TMEFF2: variants seen among roughly 807,000 people sequenced by gnomAD.
TMEFF2 encodes the protein tomoregulin-2.
Under a neutral mutation model 53.8 loss-of-function variants are expected in TMEFF2, and 28 were observed. That is an observed-to-expected ratio of 0.52 (90% CI 0.39 to 0.71). The LOEUF is 0.71. Among genes scored for constraint, TMEFF2 ranks in the 30% least tolerant of loss-of-function variants. The pLI is 0.00. For synonymous variants in TMEFF2, 162 were observed against 166.3 expected (o/e 0.97, Z 0.20); for missense variants, 353 against 455.2 (o/e 0.78, Z 2.04).
At chr2:192,157,549 T>C (rs1183794170) in intron 4 of TMEFF2, among the ~76,000 whole-genome samples, 1 of 152,082 alleles carries the variant, frequency 6.6e-6, no homozygotes, top group Non-Finnish European at 1.5e-5. Context: ...TCTGAAATGA[T>C]GTCTCCAATA....
At chr2:192,051,207 C>A (rs552919913) in intron 5 of TMEFF2, among the ~76,000 whole-genome samples, 1 of 143,308 alleles carries the variant, frequency 7.0e-6, no homozygotes, top group Non-Finnish European at 1.5e-5. Flanking sequence ...TTTTCTAGAG[C>A]AGATCTATTA....
chr2:192,150,980 C>A (rs1322099802), intron 4 of TMEFF2, among the ~76,000 whole-genome samples: 1 of 151,770 alleles, frequency 6.6e-6, no homozygotes, highest in Admixed American at 6.6e-5. Context: ...TCCCTATAAT[C>A]CCCATGTGTC....
intron 4 of TMEFF2, among the ~76,000 whole-genome samples, chr2:192,108,924 A>C (rs1052972707): frequency 6.6e-6 from 1 of 152,094 alleles, no homozygotes; most frequent in African/African-American, 2.4e-5. Flanking sequence ...GCCAAGCAAA[A>C]TAAGCCAGAC....
chr2:192,107,807 G>A (rs1689184544), intron 4 of TMEFF2, among the ~76,000 whole-genome samples: 1 of 151,874 alleles, frequency 6.6e-6, no homozygotes, highest in Non-Finnish European at 1.5e-5. Flanking sequence ...CAATAAAATT[G>A]ACTCAGTATG....
At chr2:192,185,752 C>T (rs1466514866) in intron 2 of TMEFF2, among the ~76,000 whole-genome samples, 1 of 151,998 alleles carries the variant, frequency 6.6e-6, no homozygotes, top group East Asian at 1.9e-4. Flanking sequence ...CTCCTTATTC[C>T]TAATCAACTA....
chr2:192,096,306 C>T (rs962084267), intron 4 of TMEFF2, among the ~76,000 whole-genome samples: 9 of 152,126 alleles, frequency 5.9e-5, no homozygotes, highest in South Asian at 4.1e-4. Context: ...TAAATGTAGA[C>T]GGAGCACTAG....
At chr2:192,147,193 A>G (rs746721177) in intron 4 of TMEFF2, among the ~76,000 whole-genome samples, 9 of 152,052 alleles carry the variant, frequency 5.9e-5, no homozygotes, top group African/African-American at 9.7e-5. Context: ...ATGGACTGGC[A>G]TCTACTAGTT....
At chr2:192,184,752 C>T (rs1691270869) in intron 2 of TMEFF2, among the ~76,000 whole-genome samples, 1 of 151,770 alleles carries the variant, frequency 6.6e-6, no homozygotes. Flanking sequence ...ACAAGTAGCA[C>T]AATAAAGATA....
chr2:192,181,923 A>G (rs767633176), intron 3 of TMEFF2, among the ~76,000 whole-genome samples: 1 of 151,768 alleles, frequency 6.6e-6, no homozygotes, highest in Non-Finnish European at 1.5e-5. Flanking sequence ...ATTTTCCTTT[A>G]TTATATGATA....
intron 4 of TMEFF2, among the ~76,000 whole-genome samples, chr2:192,092,436 C>CA (rs888613883): frequency 1.3e-5 from 2 of 151,862 alleles, no homozygotes; most frequent in African/African-American, 2.4e-5. Context: ...TAAAAACTGC[C>CA]AAAAAAATGA....
intron 7 of TMEFF2, among the ~76,000 whole-genome samples, chr2:191,984,612 T>A (rs1685932451): frequency 6.6e-6 from 1 of 152,132 alleles, no homozygotes; most frequent in Non-Finnish European, 1.5e-5. Flanking sequence ...ATAGATTTCT[T>A]TTCTAAGGCT....
chr2:192,120,771 C>T (rs916593856), intron 4 of TMEFF2, among the ~76,000 whole-genome samples: 5 of 151,512 alleles, frequency 3.3e-5, no homozygotes, highest in African/African-American at 9.7e-5. Flanking sequence ...GAGTCTCGCT[C>T]TGTCGCCCAG....
chr2:192,142,445 T>G (rs921892660), intron 4 of TMEFF2, among the ~76,000 whole-genome samples: 7 of 152,062 alleles, frequency 4.6e-5, no homozygotes, highest in Non-Finnish European at 8.8e-5. Context: ...AAATTTCTCG[T>G]TGTTATAGAT....
chr2:192,187,061 GT>G (rs903014620), intron 2 of TMEFF2, among the ~76,000 whole-genome samples: 4 of 152,170 alleles, frequency 2.6e-5, no homozygotes, highest in Non-Finnish European at 5.9e-5. Context: ...CTGGCATGAT[GT>G]TTTTGGCCCT....
intron 5 of TMEFF2, among the ~76,000 whole-genome samples, chr2:192,019,066 T>C (rs576348116): frequency 6.6e-6 from 1 of 152,178 alleles, no homozygotes; most frequent in Admixed American, 6.5e-5. Flanking sequence ...TACATATCTA[T>C]TATAAATAAA....
At chr2:192,067,866 G>T (rs1394436196) in intron 4 of TMEFF2, among the ~76,000 whole-genome samples, 2 of 151,792 alleles carry the variant, frequency 1.3e-5, no homozygotes, top group Admixed American at 6.6e-5. Flanking sequence ...TAGTAGTTGA[G>T]ATCTTTATCA....
At chr2:192,012,912 G>C (rs1027702410) in intron 5 of TMEFF2, among the ~76,000 whole-genome samples, 1 of 152,100 alleles carries the variant, frequency 6.6e-6, no homozygotes, top group Non-Finnish European at 1.5e-5. Flanking sequence ...GAAAAACCTA[G>C]AGGCTAGTCC....
chr2:192,021,566 G>A (rs1049223883), intron 5 of TMEFF2, among the ~76,000 whole-genome samples: 20 of 152,066 alleles, frequency 1.3e-4, no homozygotes, highest in Admixed American at 5.2e-4. Context: ...AAAGAATAAC[G>A]TGGCTAGAAC....
At chr2:191,982,755 A>G (rs1348792431) in intron 7 of TMEFF2, among the ~76,000 whole-genome samples, 1 of 152,154 alleles carries the variant, frequency 6.6e-6, no homozygotes, top group African/African-American at 2.4e-5. Context: ...TGAATGTAAT[A>G]TAATATTACT....
Sources: allele counts gnomAD v4.1 joint callset (sites outside exome capture counted in the v4.1 genomes callset), GRCh38; gene constraint gnomAD v4.1.1; transcripts MANE v1.5; gene names NCBI Gene and HGNC (gene_info 2026-07-23, HGNC 2026-07-21).